The following MYCBP2 variants were observed in gnomAD, a reference collection of about 807,000 sequenced individuals.
MYCBP2 encodes E3 ubiquitin-protein ligase MYCBP2.
MYCBP2 carries 120 observed loss-of-function variants against 525.3 expected under a neutral mutation model. The observed-to-expected ratio is 0.23, with a 90% CI of 0.20 to 0.27. The LOEUF is 0.27. Among genes scored for constraint, MYCBP2 ranks in the 10% least tolerant of loss-of-function variants. The pLI, the probability that MYCBP2 is intolerant of heterozygous loss-of-function variation, is 1.00. For missense variants in MYCBP2, 4,149 were observed against 5,657.1 expected, an observed-to-expected ratio of 0.73 and a Z score of 8.55; for synonymous variants, 1,894 against 1,955.8, an observed-to-expected ratio of 0.97 and a Z score of 0.83.
At chr13:77,304,572 A>G (rs1394466780) in intron 1 of MYCBP2, among the ~76,000 whole-genome samples, 1 of 152,202 alleles carries the variant, frequency 6.6e-6, no homozygotes, top group African/African-American at 2.4e-5. Flanking sequence ...ACAATGTATT[A>G]TACAACTTCA....
At chr13:77,210,244 G>C (rs934862022) in intron 23 of MYCBP2, among the ~76,000 whole-genome samples, 6 of 149,846 alleles carry the variant, frequency 4.0e-5, no homozygotes, top group Non-Finnish European at 8.9e-5. Context: ...CCAGGCTGGA[G>C]TGCAGTGGTG....
intron 43 of MYCBP2, among the ~76,000 whole-genome samples, chr13:77,162,513 G>A (rs958364064): frequency 6.6e-6 from 1 of 152,086 alleles, no homozygotes; most frequent in East Asian, 1.9e-4. Context: ...AATTGTATAG[G>A]AGTGTAGAAC....
chr13:77,232,861 GC>G (rs2067316302), intron 18 of MYCBP2, among the ~76,000 whole-genome samples: 1 of 152,208 alleles, frequency 6.6e-6, no homozygotes, highest in African/African-American at 2.4e-5. Flanking sequence ...AAGACAGAAA[GC>G]AATAATTATT....
intron 34 of MYCBP2, among the ~76,000 whole-genome samples, chr13:77,179,043 T>C (rs1192875076): frequency 6.6e-6 from 1 of 152,226 alleles, no homozygotes; most frequent in Admixed American, 6.5e-5. Context: ...GATGAGAGAC[T>C]AAAATTAGCT....
chr13:77,104,847 TACCATGGCATAAAGCCA>T (rs965877628), intron 55 of MYCBP2, among the ~76,000 whole-genome samples: 1 of 152,110 alleles, frequency 6.6e-6, no homozygotes, highest in Non-Finnish European at 1.5e-5. Flanking sequence ...GATAGCAACA[TACCATGGCATAAAGCCA>T]TCTTAATCTA....
At chr13:77,053,137 CAA>C (rs79225062) in intron 80 of MYCBP2, among the ~76,000 whole-genome samples, 15 of 95,870 alleles carry the variant, frequency 1.6e-4, no homozygotes, top group Admixed American at 2.3e-4. Flanking sequence ...GACCCCGTCT[CAA>C]AAAAAAAAAA....
chr13:77,045,351 T>G lies in MYCBP2; in HGVS notation c.*27A>C, dbSNP rs1192743196. The G allele has an allele frequency of 5.1e-6, 8 of 1,564,064 alleles. No homozygotes were observed. In the Admixed American group the frequency reaches 8.5e-5, roughly 17 times the overall value. Reference sequence around the variant, plus strand: ...TCTTGGGGGATGAAGGCAATTTTTCTCTCTGTAGACAAAGGATCTGCGTGT... The same window carrying G: ...TCTTGGGGGATGAAGGCAATTTTTCGCTCTGTAGACAAAGGATCTGCGTGT... On this transcript the variant is annotated 3_prime_UTR_variant, in exon 83 of 83. Coordinates refer to ENST00000544440, the MANE Select transcript of MYCBP2 (RefSeq NM_015057.5).
chr13:77,077,249 C>T lies in MYCBP2; in HGVS notation c.11623G>A (p.Gly3875Ser), dbSNP rs753294626. The change falls in exon 67 of 83, where the codon GGT becomes AGT. Residue 3875 changes from glycine (G) to serine (S), a missense_variant. By Grantham distance (56) the Gly-to-Ser change is moderately conservative. This residue lies in a region of MYCBP2 where 509 missense variants were observed against 789.4 expected (regional missense o/e 0.64). Transcript: ENST00000544440. ...RQVKVLGWKD[G>S]ESTKIAGQIS... ...TGGCCAGCTATTTTTGTGCTTTCAC[C>T]ATCTTTCCAGCCCAGGACTTTGACT... The T allele has an allele frequency of 6.8e-6, 11 of 1,613,906 alleles. No homozygotes were observed. In the Admixed American group the frequency reaches 8.3e-5, roughly 12 times the overall value.
intron 1 of MYCBP2, among the ~76,000 whole-genome samples, chr13:77,319,438 C>A (rs894910205): frequency 6.6e-6 from 1 of 152,172 alleles, no homozygotes; most frequent in Non-Finnish European, 1.5e-5. Context: ...ATTCTACCTA[C>A]CTTGGTGCTC....
intron 26 of MYCBP2, among the ~76,000 whole-genome samples, chr13:77,205,015 T>C (rs922226550): frequency 6.6e-6 from 1 of 151,664 alleles, no homozygotes; most frequent in African/African-American, 2.4e-5. Context: ...AACCTGCACA[T>C]TGTGCACATG....
intron 48 of MYCBP2, among the ~76,000 whole-genome samples, chr13:77,145,187 T>C (rs2154188222): frequency 6.6e-6 from 1 of 152,300 alleles, no homozygotes; most frequent in African/African-American, 2.4e-5. Context: ...AACATTTCCT[T>C]ACAACTGCTG....
At chr13:77,322,524 G>A (rs1027588885) in intron 1 of MYCBP2, among the ~76,000 whole-genome samples, 1 of 152,094 alleles carries the variant, frequency 6.6e-6, no homozygotes, top group Admixed American at 6.5e-5. Context: ...TATTTTGTGT[G>A]GAAAAACATA....
intron 3 of MYCBP2, among the ~76,000 whole-genome samples, chr13:77,284,348 T>C (rs9574027): frequency 0.58 from 87,515 of 151,898 alleles, 28,569 homozygotes; most frequent in Non-Finnish European, 0.74. Context: ...ACTAGGATAA[T>C]AGCAGCATTT....
At chr13:77,078,318 A>C (rs1212011286) in intron 66 of MYCBP2, among the ~76,000 whole-genome samples, 1 of 152,222 alleles carries the variant, frequency 6.6e-6, no homozygotes, top group African/African-American at 2.4e-5. Context: ...ACAAAGTTTC[A>C]TGAATACAAG....
chr13:77,077,076 A>G (rs750739768), intron 67 of MYCBP2, 72 bp downstream of exon 67: 17 of 1,533,884 alleles, frequency 1.1e-5, no homozygotes, highest in Non-Finnish European at 1.4e-5. Flanking sequence ...AGTTTCACAA[A>G]ATATTTTGTT....
rs1026515414 is a variant in MYCBP2, at chr13:77,058,963, C to A, written c.13141-557G>T. Among the ~76,000 whole-genome samples the A allele has an allele frequency of 5.3e-5, 8 of 151,956 alleles. No individual in the cohort carries two copies. The highest frequency in any genetic ancestry group is 1.7e-4 in the African/African-American group (7 of 41,356). ...TCGTGCCACTGTACTCCAGCCTGGG[C>A]GACACAGCCAGACTCCGTCTCAAAA... On this transcript the variant is annotated intron_variant, in intron 77 of 82. Coordinates refer to ENST00000544440, the MANE Select transcript of MYCBP2 (RefSeq NM_015057.5). This position sits in a 1 kb window ranked among gnomAD's most constrained non-coding sequence, Gnocchi z 4.1.
intron 14 of MYCBP2, among the ~76,000 whole-genome samples, chr13:77,256,882 G>T (rs1447050037): frequency 6.6e-6 from 1 of 151,970 alleles, no homozygotes; most frequent in African/African-American, 2.4e-5. Flanking sequence ...CACTGCTATG[G>T]ATATACCCAA....
At chr13:77,065,819 A>C (rs2040111092) in intron 72 of MYCBP2, among the ~76,000 whole-genome samples, 173 bp downstream of exon 72, 1 of 152,218 alleles carries the variant, frequency 6.6e-6, no homozygotes, top group Admixed American at 6.5e-5. Context: ...GGTTTACATA[A>C]ATGACAAATT....
rs891088921 is a variant in MYCBP2, at chr13:77,058,075, C to T, written c.13329+143G>A. ...CAGGATGGTCTCGATCTCCTGACCT[C>T]GTGATCCACCTGCCTCGGCCTCCCA... On this transcript the variant is annotated intron_variant, in intron 78 of 82. Transcript: ENST00000544440. This position sits in a 1 kb window ranked among gnomAD's most constrained non-coding sequence, Gnocchi z 4.1. 3 of 802,768 alleles carry T rather than the reference C, an allele frequency of 3.7e-6. No individual in the cohort carries two copies. The highest frequency in any genetic ancestry group is 1.8e-5 in the African/African-American group (1 of 57,120). 49.7% of individuals were successfully genotyped at this position (802,768 alleles called of 1,614,324 possible).
Sources: gnomAD v4.1 joint callset for allele counts (sites outside exome capture counted in the v4.1 genomes callset) on GRCh38, gnomAD v4.1.1 for gene constraint, gnomAD v4.1.1 regional missense constraint, Gnocchi (gnomAD v3.1) non-coding constraint, MANE v1.5 for transcripts, NCBI Gene and HGNC (gene_info 2026-07-23, HGNC 2026-07-21) for gene names.